Variants in GALNT14 observed in about 807,000 individuals in gnomAD.
GALNT14 encodes UDP-GalNAc:polypeptide N-acetylgalactosaminyltransferase 14.
Under a neutral mutation model 77.5 loss-of-function variants are expected in GALNT14, and 60 were observed. The ratio of observed to expected loss-of-function variants is 0.77; its 90% CI spans 0.63 to 0.96. The LOEUF is 0.96. GALNT14 is among the 40% of genes least tolerant of loss of function. GALNT14 has a pLI of 0.00. For synonymous variants in GALNT14, 280 were observed against 281.7 expected, an observed-to-expected ratio of 0.99 and a Z score of 0.06; for missense variants, 710 against 731.0, an observed-to-expected ratio of 0.97 and a Z score of 0.33.
At chr2:30,987,857 C>T (rs1669405748) in intron 2 of GALNT14, among the ~76,000 whole-genome samples, 1 of 152,194 alleles carries the variant, frequency 6.6e-6, no homozygotes, top group Non-Finnish European at 1.5e-5. Flanking sequence ...CTGTTTCAGG[C>T]ACTGTCCAAA....
intron 1 of GALNT14, among the ~76,000 whole-genome samples, chr2:31,112,048 A>C (rs1677867207): frequency 6.6e-6 from 1 of 151,576 alleles, no homozygotes. Flanking sequence ...GGACCCTCCA[A>C]AGTCTGGGAA....
intron 3 of GALNT14, among the ~76,000 whole-genome samples, 176 bp downstream of exon 3, chr2:30,966,028 C>T (rs1213569923): frequency 6.6e-6 from 1 of 152,168 alleles, no homozygotes; most frequent in Non-Finnish European, 1.5e-5. Flanking sequence ...ATAATAGCCT[C>T]CCTTACAGGA....
At chr2:31,014,472 T>G (rs1479570517) in intron 1 of GALNT14, among the ~76,000 whole-genome samples, 1 of 152,116 alleles carries the variant, frequency 6.6e-6, no homozygotes, top group Admixed American at 6.5e-5. Flanking sequence ...GCAGAGAAAC[T>G]GAAGACTGAA....
chr2:31,031,697 A>G (rs1044461325), intron 1 of GALNT14, among the ~76,000 whole-genome samples: 7 of 152,136 alleles, frequency 4.6e-5, no homozygotes, highest in African/African-American at 1.7e-4. Context: ...AAAAAATAAG[A>G]GCCTTTAAGT....
At chr2:31,133,055 T>G (rs1257748597) in intron 1 of GALNT14, among the ~76,000 whole-genome samples, 1 of 151,938 alleles carries the variant, frequency 6.6e-6, no homozygotes, top group African/African-American at 2.4e-5. Flanking sequence ...TGATCTCATC[T>G]CCAACCCTAC....
chr2:31,019,974 A>G (rs545981280), intron 1 of GALNT14, among the ~76,000 whole-genome samples: 4 of 152,284 alleles, frequency 2.6e-5, no homozygotes, highest in African/African-American at 7.2e-5. Context: ...AGTCTACCCT[A>G]TGAATATATC....
intron 2 of GALNT14, among the ~76,000 whole-genome samples, chr2:30,982,707 G>A (rs1410352642): frequency 6.6e-6 from 1 of 152,222 alleles, no homozygotes; most frequent in Non-Finnish European, 1.5e-5. Flanking sequence ...TCTTTAACTT[G>A]ATGTAGGTAC....
the GALNT14 span, among the ~76,000 whole-genome samples, chr2:30,901,152 C>T: frequency 2.0e-5 from 3 of 152,166 alleles, no homozygotes; most frequent in South Asian, 6.2e-4. Flanking sequence ...GCAAACCTTT[C>T]CTGAGGCATG....
chr2:31,038,898 A>T (rs942644612), intron 1 of GALNT14, among the ~76,000 whole-genome samples: 1 of 151,986 alleles, frequency 6.6e-6, no homozygotes, highest in East Asian at 1.9e-4. Flanking sequence ...GATGTGTGCC[A>T]CTATGCCCCG....
chr2:31,129,656 T>C, intron 1 of GALNT14: 2 of 985,282 alleles, frequency 2.0e-6, no homozygotes, highest in East Asian at 1.1e-4. Flanking sequence ...CTATTATGCC[T>C]GCATGTTGCA....
intron 1 of GALNT14, among the ~76,000 whole-genome samples, chr2:31,055,828 G>T (rs887559894): frequency 1.2e-4 from 19 of 152,310 alleles, no homozygotes; most frequent in African/African-American, 4.6e-4. Context: ...AACCAGAGAG[G>T]ACAGCAGCCA....
At chr2:30,990,452 G>T (rs1669628548) in intron 2 of GALNT14, among the ~76,000 whole-genome samples, 1 of 151,426 alleles carries the variant, frequency 6.6e-6, no homozygotes, top group East Asian at 2.0e-4. Flanking sequence ...TAGAGTCAGG[G>T]TTTCCCTGAG....
intron 1 of GALNT14, among the ~76,000 whole-genome samples, chr2:31,026,370 A>C (rs1672057267): frequency 6.6e-6 from 1 of 152,200 alleles, no homozygotes; most frequent in South Asian, 2.1e-4. Flanking sequence ...GATTCCAAGA[A>C]GGAGAATTAC....
rs141694979 is a variant in GALNT14, at chr2:31,088,752, A to G, written c.129+49206T>C. Among the ~76,000 whole-genome samples the G allele has an allele frequency of 6.3e-3, 964 of 152,310 alleles. 15 individuals carry two copies. Among genetic ancestry groups the G allele is most frequent in the African/African-American group, 0.022 (909 of 41,572 alleles). On this transcript the variant is annotated intron_variant, in intron 1 of 14. Coordinates refer to ENST00000349752, the MANE Select transcript of GALNT14 (RefSeq NM_024572.4). ...GGATGGGTGATGCTAGATTATGTGT[A>G]TATACTAATGGGAATGATGTACTGA...
At chr2:31,017,840 AG>A (rs1347913375) in intron 1 of GALNT14, among the ~76,000 whole-genome samples, 1 of 152,402 alleles carries the variant, frequency 6.6e-6, no homozygotes, top group East Asian at 1.9e-4. Context: ...TTTAATGATC[AG>A]CTTTTGCCAC....
intron 13 of GALNT14, among the ~76,000 whole-genome samples, chr2:30,919,617 C>T (rs1243152272): frequency 6.6e-6 from 1 of 151,528 alleles, no homozygotes; most frequent in Non-Finnish European, 1.5e-5. Flanking sequence ...TCCCTGGGTT[C>T]ATACATGGTC....
rs191908025 is a variant in GALNT14 at position 31,033,352 on chromosome 2, A to C, written c.130-40345T>G. ...CCCTGGCACTTCTACTAACAGCAGA[A>C]CCACACAAATAAAGAGCTCTGAAAT... is the stretch of plus-strand genomic sequence containing the variant. On this transcript the variant is annotated intron_variant, in intron 1 of 14. Transcript: ENST00000349752. Among the ~76,000 whole-genome samples, 41 of 152,182 alleles carry C rather than the reference A, an allele frequency of 2.7e-4. 1 individual carries two copies. In the East Asian group the frequency reaches 7.3e-3, roughly 27 times the overall value.
At chr2:30,941,719 C>T (rs946583041) in intron 9 of GALNT14, among the ~76,000 whole-genome samples, 3 of 152,158 alleles carry the variant, frequency 2.0e-5, no homozygotes, top group South Asian at 2.1e-4. Context: ...CCTCATTACC[C>T]GAAACTGAGT....
chr2:30,977,566 C>T (rs560863625), intron 2 of GALNT14, among the ~76,000 whole-genome samples: 22 of 152,268 alleles, frequency 1.4e-4, no homozygotes, highest in South Asian at 6.2e-4. Flanking sequence ...AAGCATCATT[C>T]CCTCCTTTCA....
Sources: allele counts gnomAD v4.1 joint callset (sites outside exome capture counted in the v4.1 genomes callset), GRCh38; gene constraint gnomAD v4.1.1; transcripts MANE v1.5; gene names NCBI Gene and HGNC (gene_info 2026-07-23, HGNC 2026-07-21).